The following OSBPL2 variants were observed in gnomAD, a reference collection of about 807,000 sequenced individuals.
OSBPL2 encodes oxysterol binding protein like 2.
In OSBPL2, 18 loss-of-function variants were observed where a neutral mutation model predicts 58.4. The observed-to-expected ratio is 0.31, with a 90% CI of 0.21 to 0.46. The LOEUF is 0.46. Among genes scored for constraint, OSBPL2 ranks in the 20% least tolerant of loss-of-function variants. The probability of loss-of-function intolerance (pLI) is 1.00; values close to 1 mark genes in which losing one functional copy is unlikely to be tolerated. For synonymous variants in OSBPL2, 221 were observed against 234.1 expected (o/e 0.94, Z 0.51); for missense variants, 461 against 616.5 (o/e 0.75, Z 2.67).
At chr20:62,271,877 G>A (rs1012791660) in intron 4 of OSBPL2, 2 of 463,960 alleles carry the variant, frequency 4.3e-6, no homozygotes, top group Admixed American at 3.9e-5. Flanking sequence ...GAGGCAGAGA[G>A]GATTCAGGGG....
chr20:62,256,948 G>GT (rs1980964975), intron 2 of OSBPL2, among the ~76,000 whole-genome samples: 1 of 152,228 alleles, frequency 6.6e-6, no homozygotes, highest in African/African-American at 2.4e-5. Context: ...AATTCCGCTT[G>GT]TTTTTTCTGG....
At chr20:62,251,086 C>CA (rs1374040866) in intron 1 of OSBPL2, among the ~76,000 whole-genome samples, 39 of 142,478 alleles carry the variant, frequency 2.7e-4, no homozygotes, top group African/African-American at 1.0e-3. Context: ...CTCTGTTGCC[C>CA]AGGCTGGAGT....
In OSBPL2 at chr20:62,257,442, C is replaced by T. The variant is rs73613559; in HGVS notation, c.37+1221C>T. ...GAAGTCATTTTCCATGATTTCGTAG[C>T]TGAATTATCTGCAGCGTGTTTGCCT... On this transcript the variant is annotated intron_variant, in intron 2 of 13. Coordinates refer to ENST00000313733, the MANE Select transcript of OSBPL2 (RefSeq NM_144498.4). Among the ~76,000 whole-genome samples the T allele has an allele frequency of 5.6e-4, 86 of 152,322 alleles. 1 individual carries two copies. In the East Asian group the frequency reaches 0.016, roughly 28 times the overall value.
At chr20:62,286,506 C>G in intron 10 of OSBPL2, 77 bp from the exon 11 acceptor site, 2 of 1,512,678 alleles carry the variant, frequency 1.3e-6, no homozygotes. Context: ...GTCTGAAAGG[C>G]GCTCTGAGAA....
chr20:62,249,621 C>G (rs993765446), intron 1 of OSBPL2, among the ~76,000 whole-genome samples: 2 of 152,248 alleles, frequency 1.3e-5, no homozygotes, highest in African/African-American at 2.4e-5. Flanking sequence ...GTCGCCCAGG[C>G]TGGAGTGCAG....
At chr20:62,281,700 G>A (rs1982797678) in intron 8 of OSBPL2, 90 bp from the exon 9 acceptor site, 1 of 906,168 alleles carries the variant, frequency 1.1e-6, no homozygotes, top group Admixed American at 1.7e-5. Flanking sequence ...CCTGCCCCAG[G>A]GGCCTCCACC....
At chr20:62,256,796 G>A (rs1348144131) in intron 2 of OSBPL2, among the ~76,000 whole-genome samples, 7 of 152,264 alleles carry the variant, frequency 4.6e-5, no homozygotes, top group African/African-American at 1.7e-4. Flanking sequence ...CTAGAGGAAA[G>A]GGCAGGCGGG....
At chr20:62,254,996 A>G (rs1980823444) in intron 1 of OSBPL2, among the ~76,000 whole-genome samples, 2 of 152,006 alleles carry the variant, frequency 1.3e-5, no homozygotes, top group Non-Finnish European at 2.9e-5. Context: ...CCTCTGGTGA[A>G]TGTTTGCAAT....
chr20:62,261,421 G>A (rs1462356535), intron 3 of OSBPL2, among the ~76,000 whole-genome samples: 3 of 151,470 alleles, frequency 2.0e-5, no homozygotes, highest in Admixed American at 1.3e-4. Context: ...AGGCACAGCC[G>A]CTAATGTGTG....
In OSBPL2 at chr20:62,289,269, C is replaced by T. The variant is rs137915807; in HGVS notation, c.1188C>T (p.Thr396=). 753 of 1,613,788 alleles carry T rather than the reference C, an allele frequency of 4.7e-4. 3 individuals are homozygous for T. The African/African-American group carries it at 8.8e-3, about 19-fold the overall frequency. The change falls in exon 12 of 14, where the codon ACC becomes ACT. Residue 396 remains threonine, a synonymous_variant. Coordinates refer to ENST00000313733, the MANE Select transcript of OSBPL2 (RefSeq NM_144498.4). ...AGCTGGAGACAGGCATGGAGAAGAC[C>T]CTGCCACCCACGGACTGCCGCCTGC... ...LNELETGMEK[T]LPPTDCRLRP...
chr20:62,273,025 C>T (rs574982490), intron 5 of OSBPL2, among the ~76,000 whole-genome samples: 55 of 152,282 alleles, frequency 3.6e-4, no homozygotes, highest in African/African-American at 1.1e-3. Context: ...GCATATCAGA[C>T]GGAGTGGCTG....
At chr20:62,268,087 C>A (rs4925364) in intron 4 of OSBPL2, among the ~76,000 whole-genome samples, 1 of 132,470 alleles carries the variant, frequency 7.5e-6, no homozygotes, top group Non-Finnish European at 1.6e-5. Context: ...TTAGTAGATA[C>A]GGGGTTTCAC....
At chr20:62,248,938 A>T (rs974202935) in intron 1 of OSBPL2, among the ~76,000 whole-genome samples, 1 of 152,094 alleles carries the variant, frequency 6.6e-6, no homozygotes, top group African/African-American at 2.4e-5. Context: ...GGCTCAAGCC[A>T]TCTGCCACCT....
chr20:62,289,449 C>G (rs1365235386), intron 12 of OSBPL2, 119 bp downstream of exon 12: 6 of 1,230,306 alleles, frequency 4.9e-6, no homozygotes, highest in Non-Finnish European at 6.7e-6. Context: ...AGCCCCGTCC[C>G]TCTCCCTAAA....
chr20:62,243,207 G>A (rs6061463), intron 1 of OSBPL2, among the ~76,000 whole-genome samples: 85,657 of 152,174 alleles, frequency 0.56, 24,732 homozygotes, highest in African/African-American at 0.72. Context: ...CACGGGCTGC[G>A]TCTGTGGTGG....
chr20:62,287,440 G>A (rs1485781008), intron 11 of OSBPL2, among the ~76,000 whole-genome samples: 2 of 152,120 alleles, frequency 1.3e-5, no homozygotes, highest in Non-Finnish European at 2.9e-5. Context: ...AGTAGAGTAC[G>A]AACTGGTTTA....
chr20:62,249,002 T>C (rs113170710), intron 1 of OSBPL2, among the ~76,000 whole-genome samples: 6 of 152,154 alleles, frequency 3.9e-5, no homozygotes, highest in Non-Finnish European at 8.8e-5. Flanking sequence ...AGGGCCCACA[T>C]CTGAGAAAAA....
rs1291158471 is a variant in OSBPL2 at position 62,291,790 on chromosome 20, C to T, written c.1337C>T (p.Thr446Met). 2.6e-6 allele frequency: 4 copies of T among 1,563,456 alleles called. No individual in the cohort carries two copies. The highest frequency in any genetic ancestry group is 1.5e-5 in the African/African-American group (1 of 67,044). ...GCCAAGGAGGAGGCAGAGTGGCAGA[C>T]GAGGTGAGTACTGTGGTAGCCACGC... The part of the protein sequence containing the change: ...ERAKEEAEWQ[T>M]RWFYPGNNPY... The change falls in exon 13 of 14, where the codon ACG becomes ATG. Residue 446 changes from threonine to methionine, a missense_variant. Transcript: ENST00000313733.
intron 1 of OSBPL2, among the ~76,000 whole-genome samples, chr20:62,249,074 G>C (rs1980349105): frequency 6.6e-6 from 1 of 152,180 alleles, no homozygotes; most frequent in Non-Finnish European, 1.5e-5. Context: ...GACATTTTGA[G>C]ATCCTGGTGG....
Sources: gnomAD v4.1 joint callset for allele counts (sites outside exome capture counted in the v4.1 genomes callset) on GRCh38, gnomAD v4.1.1 for gene constraint, MANE v1.5 for transcripts, NCBI Gene and HGNC (gene_info 2026-07-23, HGNC 2026-07-21) for gene names.